TMX4: variants seen among roughly 807,000 people sequenced by gnomAD.
TMX4 encodes the protein thioredoxin related transmembrane protein 4.
In TMX4, 23 loss-of-function variants were observed where a neutral mutation model predicts 33.3. That is an observed-to-expected ratio of 0.69 (90% CI 0.50 to 0.98). TMX4 has a LOEUF of 0.98. Ranked by LOEUF, TMX4 falls within the 50% of genes least tolerant of loss-of-function variation. TMX4 has a pLI of 0.00. For synonymous variants in TMX4, 164 were observed against 161.5 expected (o/e 1.02, Z -0.12); for missense variants, 399 against 448.9 (o/e 0.89, Z 1.01).
chr20:7,998,159 T>G (rs58918923), intron 4 of TMX4, among the ~76,000 whole-genome samples: 2,076 of 152,240 alleles, frequency 0.014, 55 homozygotes, highest in East Asian at 0.064. Context: ...TCTTTATAAA[T>G]TACCCAGTCT....
rs940268665 is a variant in TMX4 at position 7,999,603 on chromosome 20, T to C, written c.467+129A>G. ...TCAGAAATACTGCATGGGCTAAGCA[T>C]GGCCATGAGTAATCTGGGTAATTGG... On this transcript the variant is annotated intron_variant, in intron 4 of 7. Transcript: ENST00000246024. 33 of 1,050,274 alleles carry C rather than the reference T, an allele frequency of 3.1e-5. 1 individual carries two copies. The highest frequency in any genetic ancestry group is 2.3e-4 in the South Asian group (13 of 56,982). 65.1% of individuals were successfully genotyped at this position (1,050,274 alleles called of 1,614,324 possible). A position where few individuals can be genotyped will look rare whatever the true frequency, so the allele number is the denominator to read the frequency against.
rs1268703781 is a variant in TMX4, at chr20:8,019,536, GC to G, written c.77del (p.Gly26AlafsTer17). The G allele has an allele frequency of 6.8e-7, 1 of 1,477,568 alleles. No homozygotes were observed. Among genetic ancestry groups the G allele is most frequent in the Non-Finnish European group, 9.0e-7 (1 of 1,114,424 alleles). The allele number at this position is 1,477,568 out of a possible 1,614,324, so 91.5% of individuals were successfully genotyped here. A position where few individuals can be genotyped will look rare whatever the true frequency, so the allele number is the denominator to read the frequency against. ...CCGGCGGCAGCGCGGCCTCCTCGGG[GC>G]CTGCCGTCGCCGCCACAGCCGCGAT... is the stretch of plus-strand genomic sequence containing the variant. Reference protein sequence around the residue: ...AWIAAVAATAGPEEAALPPEQ... With the variant: ...AWIAAVAATAXPEEAALPPEQ... On this transcript the variant is annotated frameshift_variant, in exon 1 of 8. Transcript: ENST00000246024. LOFTEE classifies it high-confidence loss of function.
chr20:8,003,339 T>TA lies in TMX4; in HGVS notation c.293-1799dup, dbSNP rs758221161. Among the ~76,000 whole-genome samples, 17 of 152,292 alleles carry TA rather than the reference T, an allele frequency of 1.1e-4. No individual in the cohort carries two copies. In the East Asian group the frequency reaches 1.7e-3, roughly 16 times the overall value. On this transcript the variant is annotated intron_variant, in intron 2 of 7. Transcript: ENST00000246024. ...AATTAAATAGTATCTCATCACCTCT[T>TA]AAAGTTTTTTACTTAGATTTTATTT...
At chr20:8,000,338 T>A (rs1195703347) in intron 3 of TMX4, among the ~76,000 whole-genome samples, 1 of 151,468 alleles carries the variant, frequency 6.6e-6, no homozygotes, top group Non-Finnish European at 1.5e-5. Flanking sequence ...CAGGGAAGAG[T>A]CTAGGCTTGC....
In TMX4 at chr20:7,977,847, G is replaced by A. The variant is rs1484706590; in HGVS notation, c.*4404C>T. 6.6e-6 allele frequency: 1 copy of A among 152,172 alleles called. No homozygotes were observed. Among genetic ancestry groups the A allele is most frequent in the African/African-American group, 2.4e-5 (1 of 41,444 alleles). The allele number at this position is 152,172 out of a possible 1,614,324, so 9.4% of individuals were successfully genotyped here. ...CGAGTCACACATATACAGTGTCACA[G>A]TCTACATAAAGCTTTACTGAGAATA... On this transcript the variant is annotated 3_prime_UTR_variant, in exon 8 of 8. Coordinates refer to ENST00000246024, the MANE Select transcript of TMX4 (RefSeq NM_021156.4).
chr20:8,005,747 C>T (rs1182649772), intron 2 of TMX4, among the ~76,000 whole-genome samples: 3 of 152,238 alleles, frequency 2.0e-5, no homozygotes, highest in Admixed American at 2.0e-4. Flanking sequence ...GAAGAACACA[C>T]CAGCAGACAC....
intron 1 of TMX4, among the ~76,000 whole-genome samples, chr20:8,012,219 G>A (rs1332819832): frequency 6.6e-6 from 1 of 152,064 alleles, no homozygotes; most frequent in Non-Finnish European, 1.5e-5. Context: ...ATGATATTCT[G>A]GGCAGGTTAA....
chr20:7,982,718 G>A (rs1049799718), intron 7 of TMX4, 97 bp from the exon 8 acceptor site: 17 of 1,362,192 alleles, frequency 1.2e-5, no homozygotes, highest in Non-Finnish European at 1.7e-5. Flanking sequence ...TAGAGGGTAA[G>A]TGACAGTTTT....
chr20:8,007,969 GCCTCTGTCCT>G (rs918515708), intron 2 of TMX4, among the ~76,000 whole-genome samples: 7 of 152,164 alleles, frequency 4.6e-5, no homozygotes, highest in Non-Finnish European at 5.9e-5. Flanking sequence ...GAGGAGCAAG[GCCTCTGTCCT>G]CCTTATTCAC....
At position 7,977,645 on chromosome 20, in the gene TMX4, T is replaced by C. The variant is rs925955787; in HGVS notation, c.*4606A>G. The C allele has an allele frequency of 6.6e-6, 1 of 152,142 alleles. No homozygotes were observed. The highest frequency in any genetic ancestry group is 2.1e-4 in the South Asian group (1 of 4,832). 9.4% of individuals were successfully genotyped at this position (152,142 alleles called of 1,614,324 possible). ...AGATGCTATTTGAGGAAGCAAAGAA[T>C]ACAGAAAGAAAAATAATTAGGTTCA... On this transcript the variant is annotated 3_prime_UTR_variant, in exon 8 of 8. Coordinates refer to ENST00000246024, the MANE Select transcript of TMX4 (RefSeq NM_021156.4).
chr20:7,984,413 C>A (rs2050621899), intron 6 of TMX4, among the ~76,000 whole-genome samples: 1 of 152,104 alleles, frequency 6.6e-6, no homozygotes, highest in Non-Finnish European at 1.5e-5. Flanking sequence ...CCCTGAATGT[C>A]AAACTGAGGA....
Position 7,980,803 on chromosome 20 carries a change from C to T in TMX4, c.*1448G>A, listed in dbSNP as rs1358107861. The T allele has an allele frequency of 6.6e-6, 1 of 152,168 alleles. No homozygotes were observed. The highest frequency in any genetic ancestry group is 2.1e-4 in the South Asian group (1 of 4,816). 9.4% of individuals were successfully genotyped at this position (152,168 alleles called of 1,614,324 possible). On this transcript the variant is annotated 3_prime_UTR_variant, in exon 8 of 8. Transcript: ENST00000246024. ...AGGAGGGCAGAGAGTTTCAGAACCT[C>T]CCCCACCAGTGAGCTCCGTGCTCAC...
rs537769324 is a variant in TMX4 at position 7,981,234 on chromosome 20, A to C, written c.*1017T>G. 5.5e-4 allele frequency: 84 copies of C among 152,334 alleles called. No homozygotes were observed. The highest frequency in any genetic ancestry group is 3.4e-3 in the Middle Eastern group (1 of 294). 9.4% of individuals were successfully genotyped at this position (152,334 alleles called of 1,614,324 possible). Reference sequence around the variant, plus strand: ...AAAAGCACATCACTGAAGGAAAATCAGAAGTGGTTTTTTAGTTATTATTAA... The same window carrying C: ...AAAAGCACATCACTGAAGGAAAATCCGAAGTGGTTTTTTAGTTATTATTAA... On this transcript the variant is annotated 3_prime_UTR_variant, in exon 8 of 8. Transcript: ENST00000246024.
intron 7 of TMX4, among the ~76,000 whole-genome samples, chr20:7,983,459 G>C (rs1277224882): frequency 2.0e-5 from 3 of 152,304 alleles, no homozygotes; most frequent in Non-Finnish European, 2.9e-5. Context: ...AAAGGACTTA[G>C]AAGAGTTACT....
At chr20:7,985,414 C>T (rs1056089697) in intron 6 of TMX4, among the ~76,000 whole-genome samples, 1 of 151,674 alleles carries the variant, frequency 6.6e-6, no homozygotes, top group African/African-American at 2.4e-5. Flanking sequence ...GCTGGGACTA[C>T]AGGTGTGTGC....
At chr20:7,995,877 G>C in intron 5 of TMX4, 149 bp downstream of exon 5, 1 of 640,012 alleles carries the variant, frequency 1.6e-6, no homozygotes, top group South Asian at 2.2e-5. Context: ...ATTACCACTG[G>C]AAACCCCACA....
chr20:7,987,626 G>A (rs1243435656), intron 5 of TMX4, among the ~76,000 whole-genome samples: 5 of 152,058 alleles, frequency 3.3e-5, no homozygotes, highest in African/African-American at 1.2e-4. Flanking sequence ...TAGAATTCTG[G>A]TAGAATCGTT....
chr20:8,004,903 T>C (rs1300804457), intron 2 of TMX4, among the ~76,000 whole-genome samples: 1 of 152,184 alleles, frequency 6.6e-6, no homozygotes, highest in Non-Finnish European at 1.5e-5. Flanking sequence ...TGTAAGTGTA[T>C]AGCACAATCA....
rs974003812 is a variant in TMX4 at position 7,980,679 on chromosome 20, A to G, written c.*1572T>C. ...TACTGGGGAAGGAGACTGTCAAGTAACTGAATTGGAAAGATGAAAAAGAAC... is the reference window on the plus strand; with the variant it reads ...TACTGGGGAAGGAGACTGTCAAGTAGCTGAATTGGAAAGATGAAAAAGAAC... On this transcript the variant is annotated 3_prime_UTR_variant, in exon 8 of 8. Coordinates refer to ENST00000246024, the MANE Select transcript of TMX4 (RefSeq NM_021156.4). 1 of 152,240 alleles carries G rather than the reference A, an allele frequency of 6.6e-6. No homozygotes were observed. Among genetic ancestry groups the G allele is most frequent in the African/African-American group, 2.4e-5 (1 of 41,462 alleles). 9.4% of individuals were successfully genotyped at this position (152,240 alleles called of 1,614,324 possible).
Sources: allele counts gnomAD v4.1 joint callset (sites outside exome capture counted in the v4.1 genomes callset), GRCh38; gene constraint gnomAD v4.1.1; transcripts MANE v1.5; gene names NCBI Gene and HGNC (gene_info 2026-07-23, HGNC 2026-07-21).